SLC5A1: variants seen among roughly 807,000 people sequenced by gnomAD.
SLC5A1 encodes solute carrier family 5 member 1, also known as sodium/glucose cotransporter 1.
SLC5A1 carries 42 observed loss-of-function variants against 73.5 expected under a neutral mutation model. The observed-to-expected ratio is 0.57, with a 90% CI of 0.45 to 0.74. The LOEUF is 0.74. Among genes scored for constraint, SLC5A1 ranks in the 30% least tolerant of loss-of-function variants. SLC5A1 has a pLI of 0.00. For missense variants in SLC5A1, 634 were observed against 855.4 expected, an observed-to-expected ratio of 0.74 and a Z score of 3.23; for synonymous variants, 300 against 317.4, an observed-to-expected ratio of 0.95 and a Z score of 0.58.
At position 32,076,319 on chromosome 22, in the gene SLC5A1, T is replaced by C. The variant is rs574995277; in HGVS notation, c.478-5547T>C. On this transcript the variant is annotated intron_variant, in intron 5 of 14. Transcript: ENST00000266088. ...GATTGTCCTTCCATGAGCTCCTGAA[T>C]TTTATTGGCTCCCTCGAGCACCTGC... Among the ~76,000 whole-genome samples the C allele has an allele frequency of 1.6e-3, 238 of 152,354 alleles. 2 individuals carry two copies. The highest frequency in any genetic ancestry group is 5.6e-3 in the African/African-American group (234 of 41,598).
At chr22:32,060,052 C>T (rs74494851) in intron 2 of SLC5A1, among the ~76,000 whole-genome samples, 6,504 of 115,522 alleles carry the variant, frequency 0.056, 211 homozygotes, top group Non-Finnish European at 0.083. Context: ...CACACACACA[C>T]ATATATACAC....
At chr22:32,099,100 AAAAAAATATAT>A (rs376126945) in intron 11 of SLC5A1, 72 bp from the exon 12 acceptor site, 196 of 158,208 alleles carry the variant, frequency 1.2e-3, no homozygotes, top group Middle Eastern at 2.8e-3. Context: ...AAAAAAAAAA[AAAAAAATATAT>A]ATATATATAT....
chr22:32,094,139 C>T (rs565768960), intron 11 of SLC5A1, among the ~76,000 whole-genome samples: 15 of 152,226 alleles, frequency 9.9e-5, no homozygotes, highest in Middle Eastern at 6.8e-3. Context: ...TGATGTGTCA[C>T]ACTTATTGAC....
chr22:32,094,571 G>A (rs1484888603), intron 11 of SLC5A1, among the ~76,000 whole-genome samples: 2 of 152,064 alleles, frequency 1.3e-5, no homozygotes, highest in Admixed American at 6.5e-5. Context: ...AAGCTAGGAG[G>A]GTTGTATCTC....
At position 32,049,929 on chromosome 22, in the gene SLC5A1, C is replaced by T. The variant is rs2149483362; in HGVS notation, c.136-14C>T. ...TCTAGTTTTCGATTACATTTTTGAC[C>T]CTTTCCTCCTCAGGCTATGTTTTCC... On this transcript the variant is annotated splice_polypyrimidine_tract_variant and intron_variant, in intron 1 of 14. Transcript: ENST00000266088. 6.2e-7 allele frequency: 1 copy of T among 1,612,424 alleles called. No homozygotes were observed. Among genetic ancestry groups the T allele is most frequent in the South Asian group, 1.1e-5 (1 of 91,056 alleles).
chr22:32,048,650 C>G (rs2093940294), intron 1 of SLC5A1, among the ~76,000 whole-genome samples: 1 of 152,158 alleles, frequency 6.6e-6, no homozygotes, highest in Non-Finnish European at 1.5e-5. Context: ...CCACATTCCT[C>G]CCTCTTCTCT....
intron 5 of SLC5A1, among the ~76,000 whole-genome samples, chr22:32,080,347 T>G (rs1028418630): frequency 6.6e-6 from 1 of 152,130 alleles, no homozygotes; most frequent in Non-Finnish European, 1.5e-5. Context: ...CCTCCAGGGC[T>G]CACGTGTTAG....
At chr22:32,106,990 T>C (rs775713264) in intron 14 of SLC5A1, among the ~76,000 whole-genome samples, 2 of 152,238 alleles carry the variant, frequency 1.3e-5, no homozygotes, top group African/African-American at 2.4e-5. Context: ...TCTCATTTTA[T>C]AGACATGTAA....
At position 32,064,545 on chromosome 22, in the gene SLC5A1, A is replaced by G. The variant is rs959699287; in HGVS notation, c.208-2390A>G. 1.2e-4 allele frequency among the ~76,000 whole-genome samples: 18 copies of G among 151,768 alleles called. No individual in the cohort carries two copies. The South Asian group carries it at 1.5e-3, about 12-fold the overall frequency. ...GTTATCCCCCTCAAGCTTTGAGCAG[A>G]AGGAGGTAGATGTCTCTAAACAACC... On this transcript the variant is annotated intron_variant, in intron 2 of 14. Transcript: ENST00000266088.
chr22:32,084,600 T>C lies in SLC5A1; in HGVS notation c.826T>C (p.Trp276Arg). 1.2e-6 allele frequency: 2 copies of C among 1,614,242 alleles called. No homozygotes were observed. The highest frequency in any genetic ancestry group is 2.2e-5 in the South Asian group (2 of 91,086). The change falls in exon 8 of 15, where the codon TGG becomes CGG. Residue 276 changes from tryptophan to arginine, a missense_variant. Trp to Arg is a moderately radical substitution (Grantham distance 101). Around this residue, in one of 3 missense-constraint regions of SLC5A1, gnomAD observed 422 missense variants for 626.1 expected, o/e 0.67. Transcript: ENST00000266088. ...FRDPLTGDLPWPGFIFGMSIL... is the reference protein window; with the variant it reads ...FRDPLTGDLPRPGFIFGMSIL... The stretch of plus-strand genomic sequence containing the variant: ...AGATCCCCTCACGGGAGACCTCCCA[T>C]GGCCTGGGTTCATCTTTGGGATGTC...
intron 13 of SLC5A1, 25 bp from the exon 14 acceptor site, chr22:32,104,761 T>C (rs1193260179): frequency 1.3e-6 from 2 of 1,594,420 alleles, no homozygotes; most frequent in Non-Finnish European, 1.7e-6. Flanking sequence ...GATCTTTCTG[T>C]TGACCTGTTC....
intron 7 of SLC5A1, 140 bp downstream of exon 7, chr22:32,083,294 T>C (rs2094002938): frequency 2.9e-6 from 2 of 698,822 alleles, no homozygotes; most frequent in African/African-American, 1.8e-5. Flanking sequence ...AAACGGAGGG[T>C]CCAGCCCAGA....
At position 32,102,034 on chromosome 22, in the gene SLC5A1, G is replaced by T; in HGVS notation, c.1462G>T (p.Gly488Ter). ...TTTTCTTTCACAGGGAGCCTTTTGG[G>T]GACTGATCCTAGGACTTCTGATTGG... Reference protein sequence around the residue: ...KRVNEPGAFWGLILGLLIGIS... With the variant: ...KRVNEPGAFW Residue 488 changes from glycine (G) to a stop codon, truncating the protein, a stop_gained, in exon 13 of 15, where the codon GGA (glycine) becomes TGA (stop). Transcript: ENST00000266088. LOFTEE classifies it high-confidence loss of function. The T allele has an allele frequency of 6.2e-7, 1 of 1,613,860 alleles. No individual in the cohort carries two copies. Among genetic ancestry groups the T allele is most frequent in the Non-Finnish European group, 8.5e-7 (1 of 1,179,838 alleles).
At chr22:32,093,772 T>C (rs930041819) in intron 11 of SLC5A1, among the ~76,000 whole-genome samples, 2 of 152,166 alleles carry the variant, frequency 1.3e-5, no homozygotes, top group Non-Finnish European at 2.9e-5. Context: ...AAGTATATGA[T>C]TGTATCATCA....
intron 7 of SLC5A1, 64 bp from the exon 8 acceptor site, chr22:32,084,375 G>C: frequency 6.9e-7 from 1 of 1,445,776 alleles, no homozygotes; most frequent in Non-Finnish European, 9.7e-7. Context: ...GGCATCTATG[G>C]AAAGAAGCTG....
At position 32,100,400 on chromosome 22, in the gene SLC5A1, T is replaced by C. The variant is rs146060175; in HGVS notation, c.1449+1049T>C. ...TAAAAGTGGTGAAAGGGTATCCTTT[T>C]CTTTTTCCAGATCTTACCGGAAAGG... On this transcript the variant is annotated intron_variant, in intron 12 of 14. Coordinates refer to ENST00000266088, the MANE Select transcript of SLC5A1 (RefSeq NM_000343.4). Among the ~76,000 whole-genome samples, 153 of 152,352 alleles carry C rather than the reference T, an allele frequency of 1.0e-3. 5 individuals carry two copies. The East Asian group carries it at 0.023, about 22-fold the overall frequency.
At chr22:32,079,648 T>C (rs1488555745) in intron 5 of SLC5A1, among the ~76,000 whole-genome samples, 1 of 152,180 alleles carries the variant, frequency 6.6e-6, no homozygotes, top group African/African-American at 2.4e-5. Flanking sequence ...TTGTAATCTT[T>C]TCCTATCTTA....
intron 2 of SLC5A1, among the ~76,000 whole-genome samples, chr22:32,051,742 A>G (rs190460352): frequency 6.6e-6 from 1 of 152,320 alleles, no homozygotes; most frequent in East Asian, 1.9e-4. Context: ...AACAACAACA[A>G]AATAGTTGAC....
chr22:32,090,273 C>G (rs745537043), intron 10 of SLC5A1, among the ~76,000 whole-genome samples: 1 of 152,066 alleles, frequency 6.6e-6, no homozygotes, highest in South Asian at 2.1e-4. Context: ...AAATCCTATA[C>G]CTGCTAATGA....
Sources: gnomAD v4.1 joint callset for allele counts (sites outside exome capture counted in the v4.1 genomes callset) on GRCh38, gnomAD v4.1.1 for gene constraint, gnomAD v4.1.1 regional missense constraint, MANE v1.5 for transcripts, NCBI Gene and HGNC (gene_info 2026-07-23, HGNC 2026-07-21) for gene names.